Variants in TCF12 observed in about 807,000 individuals in gnomAD.
TCF12 encodes transcription factor 12.
TCF12 carries 45 observed loss-of-function variants against 86.0 expected under a neutral mutation model. The ratio of observed to expected loss-of-function variants is 0.52; its 90% CI spans 0.41 to 0.67. TCF12 has a LOEUF of 0.67. TCF12 is among the 30% of genes least tolerant of loss of function. The pLI is 0.00. For synonymous variants in TCF12, 330 were observed against 299.6 expected (o/e 1.10, Z -1.05); for missense variants, 881 against 859.9 (o/e 1.02, Z -0.31).
At chr15:57,115,129 C>T (rs1283270629) in intron 5 of TCF12, among the ~76,000 whole-genome samples, 1 of 152,096 alleles carries the variant, frequency 6.6e-6, no homozygotes, top group Non-Finnish European at 1.5e-5. Context: ...CTTTTGGGTT[C>T]TGTTTACCTC....
At chr15:56,947,039 C>G (rs1215538759) in intron 3 of TCF12, among the ~76,000 whole-genome samples, 1 of 152,148 alleles carries the variant, frequency 6.6e-6, no homozygotes, top group Non-Finnish European at 1.5e-5. Flanking sequence ...CTCAAGTGAT[C>G]TGCCTTCCTC....
chr15:57,165,339 AAT>A (rs1343962833), intron 5 of TCF12, among the ~76,000 whole-genome samples: 2 of 152,198 alleles, frequency 1.3e-5, no homozygotes, highest in African/African-American at 2.4e-5. Context: ...TCAAAAACAT[AAT>A]ATATGGAAAT....
chr15:57,289,120 A>G lies in TCF12; in HGVS notation c.*2975A>G, dbSNP rs2062023735. On this transcript the variant is annotated 3_prime_UTR_variant, in exon 21 of 21. Coordinates refer to ENST00000333725, the MANE Select transcript of TCF12 (RefSeq NM_207037.2). ...TGTAGGACCTGTGCGTGCGAAACCC[A>G]TGGCAATTGTCACATCCTCTTGGTA... 6.6e-6 allele frequency: 1 copy of G among 152,152 alleles called. No individual in the cohort carries two copies. The highest frequency in any genetic ancestry group is 1.5e-5 in the Non-Finnish European group (1 of 68,032). 9.4% of individuals were successfully genotyped at this position (152,152 alleles called of 1,614,324 possible). A position where few individuals can be genotyped will look rare whatever the true frequency, so the allele number is the denominator to read the frequency against.
intron 5 of TCF12, among the ~76,000 whole-genome samples, chr15:57,098,368 C>T (rs1246868399): frequency 6.6e-6 from 1 of 152,094 alleles, no homozygotes; most frequent in Non-Finnish European, 1.5e-5. Context: ...CTTGTTCTTT[C>T]TTTCACTATT....
At chr15:57,008,377 T>TTTTTTTTTC (rs1555474850) in intron 3 of TCF12, among the ~76,000 whole-genome samples, 8 of 147,800 alleles carry the variant, frequency 5.4e-5, no homozygotes, top group South Asian at 2.1e-4. Context: ...AAAATACCCT[T>TTTTTTTTTC]TTTTTTTCTT....
chr15:56,921,134 G>C (rs935202312), intron 3 of TCF12, 36 bp downstream of exon 3: 16 of 1,530,356 alleles, frequency 1.0e-5, no homozygotes, highest in Non-Finnish European at 1.3e-5. Context: ...CTCATATTTT[G>C]GTGGTGTGAT....
chr15:56,972,082 T>G (rs1193794136), intron 3 of TCF12, among the ~76,000 whole-genome samples: 1 of 152,230 alleles, frequency 6.6e-6, no homozygotes, highest in Non-Finnish European at 1.5e-5. Context: ...ATGAATTTTA[T>G]CTCAATAAAG....
At chr15:57,024,104 C>T (rs1267397423) in intron 3 of TCF12, among the ~76,000 whole-genome samples, 1 of 151,964 alleles carries the variant, frequency 6.6e-6, no homozygotes, top group East Asian at 1.9e-4. Context: ...GGTTGTGGAC[C>T]CCTGCTTTAA....
chr15:57,249,792 T>C (rs1164725609), intron 13 of TCF12, among the ~76,000 whole-genome samples: 1 of 152,178 alleles, frequency 6.6e-6, no homozygotes, highest in East Asian at 1.9e-4. Context: ...TAATTCAAAT[T>C]GTCACTGAAG....
At chr15:57,277,169 A>G (rs2061436624) in intron 19 of TCF12, among the ~76,000 whole-genome samples, 1 of 152,132 alleles carries the variant, frequency 6.6e-6, no homozygotes, top group Non-Finnish European at 1.5e-5. Flanking sequence ...TAGAATGAAG[A>G]TATTCCACAT....
At chr15:56,962,586 CAA>C (rs2061814523) in intron 3 of TCF12, among the ~76,000 whole-genome samples, 2 of 152,052 alleles carry the variant, frequency 1.3e-5, no homozygotes, top group Admixed American at 6.5e-5. Flanking sequence ...AGCAAATCAA[CAA>C]AAAGCGAACC....
At chr15:57,098,272 C>G (rs1234369692) in intron 5 of TCF12, among the ~76,000 whole-genome samples, 1 of 152,174 alleles carries the variant, frequency 6.6e-6, no homozygotes, top group Non-Finnish European at 1.5e-5. Flanking sequence ...TCCCTTTCCA[C>G]TACGTTGCTT....
chr15:56,994,450 T>G (rs1389114876), intron 3 of TCF12, among the ~76,000 whole-genome samples: 1 of 152,106 alleles, frequency 6.6e-6, no homozygotes, highest in East Asian at 1.9e-4. Context: ...ACAAATTTAT[T>G]GAAAGACACA....
At chr15:57,136,959 T>A (rs914781145) in intron 5 of TCF12, among the ~76,000 whole-genome samples, 1 of 4,164 alleles carries the variant, frequency 2.4e-4, no homozygotes, top group Non-Finnish European at 1.4e-3. Flanking sequence ...CTTCTGGCAG[T>A]TTTTTTTTTT....
At chr15:57,195,264 G>C (rs1163580121) in intron 7 of TCF12, among the ~76,000 whole-genome samples, 2 of 152,220 alleles carry the variant, frequency 1.3e-5, no homozygotes, top group Non-Finnish European at 2.9e-5. Context: ...AGGCTCTCAT[G>C]ATTTTAAATC....
intron 8 of TCF12, among the ~76,000 whole-genome samples, chr15:57,203,662 G>T (rs2057667852): frequency 6.6e-6 from 1 of 152,160 alleles, no homozygotes; most frequent in South Asian, 2.1e-4. Context: ...TTAATCAAGT[G>T]TCATGTTAAA....
chr15:57,202,540 A>T (rs1378899976), intron 8 of TCF12, among the ~76,000 whole-genome samples: 1 of 148,496 alleles, frequency 6.7e-6, no homozygotes, highest in African/African-American at 2.5e-5. Flanking sequence ...GATTCATGCC[A>T]TTCTCCTGCC....
intron 3 of TCF12, among the ~76,000 whole-genome samples, chr15:56,996,280 A>G (rs1480341321): frequency 6.6e-6 from 1 of 151,932 alleles, no homozygotes; most frequent in Non-Finnish European, 1.5e-5. Context: ...TTTTGGTATC[A>G]GCATGGTCTT....
intron 5 of TCF12, among the ~76,000 whole-genome samples, chr15:57,143,963 TAGG>T (rs1177796895): frequency 1.4e-4 from 22 of 152,184 alleles, no homozygotes; most frequent in Non-Finnish European, 2.9e-4. Flanking sequence ...TGAGTTCTTT[TAGG>T]AGGCTCTGCT....
Sources: allele counts gnomAD v4.1 joint callset (sites outside exome capture counted in the v4.1 genomes callset), GRCh38; gene constraint gnomAD v4.1.1; transcripts MANE v1.5; gene names NCBI Gene and HGNC (gene_info 2026-07-23, HGNC 2026-07-21).